The following PACSIN1 variants were observed in gnomAD, a reference collection of about 807,000 sequenced individuals.
PACSIN1 encodes protein kinase C and casein kinase substrate in neurons 1, also known as protein kinase C and casein kinase substrate in neurons protein 1.
In PACSIN1, 15 loss-of-function variants were observed where a neutral mutation model predicts 59.5. The observed-to-expected ratio is 0.25, with a 90% CI of 0.17 to 0.39. The LOEUF is 0.39. Among genes scored for constraint, PACSIN1 ranks in the 10% least tolerant of loss-of-function variants. The pLI is 1.00. For missense variants in PACSIN1, 420 were observed against 580.2 expected (o/e 0.72, Z 2.84); for synonymous variants, 210 against 220.6 (o/e 0.95, Z 0.42).
chr6:34,470,797 A>C (rs1465965418), intron 1 of PACSIN1, among the ~76,000 whole-genome samples: 1 of 152,154 alleles, frequency 6.6e-6, no homozygotes, highest in Admixed American at 6.6e-5. Context: ...AGGTAATTTT[A>C]AATTTCAGAA....
At chr6:34,508,551 G>A (rs916255233) in intron 1 of PACSIN1, among the ~76,000 whole-genome samples, 1 of 152,170 alleles carries the variant, frequency 6.6e-6, no homozygotes, top group Non-Finnish European at 1.5e-5. Context: ...AGAGGCGTGA[G>A]TCACTGTGCC....
chr6:34,471,583 G>A (rs571575064), intron 1 of PACSIN1, among the ~76,000 whole-genome samples: 94 of 152,168 alleles, frequency 6.2e-4, no homozygotes, highest in Non-Finnish European at 1.2e-3. Flanking sequence ...CACTAAATAG[G>A]GGTAATCCAT....
chr6:34,484,147 T>G (rs1357735077), intron 1 of PACSIN1, among the ~76,000 whole-genome samples: 1 of 152,186 alleles, frequency 6.6e-6, no homozygotes, highest in East Asian at 1.9e-4. Flanking sequence ...AACATGCTGC[T>G]GTGTCCTGTG....
intron 1 of PACSIN1, among the ~76,000 whole-genome samples, chr6:34,466,967 G>A (rs1464732967): frequency 6.6e-6 from 1 of 152,130 alleles, no homozygotes; most frequent in Non-Finnish European, 1.5e-5. Flanking sequence ...GAGACATGGT[G>A]GCAAACCCGG....
At chr6:34,507,733 C>T (rs151212004) in intron 1 of PACSIN1, among the ~76,000 whole-genome samples, 1 of 152,184 alleles carries the variant, frequency 6.6e-6, no homozygotes, top group South Asian at 2.1e-4. Context: ...CCTCTGGCAA[C>T]CACCATTCTC....
In PACSIN1 at chr6:34,527,376, C is replaced by A. The variant is rs746016454; in HGVS notation, c.108C>A (p.His36Gln). ...KRTVKRIDDG[H>Q]RLCNDLMNCV... Reference sequence around the variant, plus strand: ...CCGTGAAGCGCATCGATGACGGCCACCGTCTATGCAACGACCTGATGAACT... The same window carrying A: ...CCGTGAAGCGCATCGATGACGGCCAACGTCTATGCAACGACCTGATGAACT... The change falls in exon 3 of 10, where the codon CAC becomes CAA. Residue 36 changes from histidine to glutamine, a missense_variant. Coordinates refer to ENST00000244458, the MANE Select transcript of PACSIN1 (RefSeq NM_020804.5). 18 of 1,598,190 alleles carry A rather than the reference C, an allele frequency of 1.1e-5. No individual in the cohort carries two copies. The highest frequency in any genetic ancestry group is 1.7e-6 in the Non-Finnish European group (2 of 1,173,506).
chr6:34,494,296 C>T (rs1392922235), intron 1 of PACSIN1, among the ~76,000 whole-genome samples: 2 of 152,166 alleles, frequency 1.3e-5, no homozygotes, highest in Non-Finnish European at 2.9e-5. Flanking sequence ...CATCAATGTC[C>T]TCTTAGAAGC....
At chr6:34,503,604 A>C (rs933448083) in intron 1 of PACSIN1, among the ~76,000 whole-genome samples, 4 of 152,134 alleles carry the variant, frequency 2.6e-5, no homozygotes, top group African/African-American at 7.2e-5. Flanking sequence ...AATGTGGGCT[A>C]GGGGTGCTCA....
Position 34,532,881 on chromosome 6 carries a change from A to C in PACSIN1, c.*351A>C. ...CGCCTCACTCCCTCCGTCCCACTCC[A>C]CTCCAGGCTGCCGGCACCTGCCCCA... On this transcript the variant is annotated 3_prime_UTR_variant, in exon 10 of 10. Transcript: ENST00000244458. This position sits in a 1 kb window ranked among gnomAD's most constrained non-coding sequence, Gnocchi z 5.2. The C allele has an allele frequency of 5.4e-6, 1 of 184,618 alleles. No homozygotes were observed. Among genetic ancestry groups the C allele is most frequent in the South Asian group, 1.5e-4 (1 of 6,578 alleles). The allele number at this position is 184,618 out of a possible 1,614,324, so 11.4% of individuals were successfully genotyped here.
chr6:34,503,543 G>T (rs1352646514), intron 1 of PACSIN1, among the ~76,000 whole-genome samples: 3 of 152,138 alleles, frequency 2.0e-5, no homozygotes, highest in African/African-American at 7.2e-5. Flanking sequence ...GTTGGACTGT[G>T]GTTGCGAGTA....
chr6:34,512,923 C>G (rs545534257), intron 1 of PACSIN1, among the ~76,000 whole-genome samples: 2 of 152,346 alleles, frequency 1.3e-5, no homozygotes, highest in Admixed American at 6.5e-5. Context: ...ACTGCTCCAT[C>G]TCTCAGAGCC....
Position 34,531,471 on chromosome 6 carries a change from T to C in PACSIN1, c.1038-129T>C. The C allele has an allele frequency of 1.1e-6, 1 of 876,814 alleles. No homozygotes were observed. Among genetic ancestry groups the C allele is most frequent in the Middle Eastern group, 2.6e-4 (1 of 3,820 alleles). The allele number at this position is 876,814 out of a possible 1,614,324, so 54.3% of individuals were successfully genotyped here. On this transcript the variant is annotated intron_variant, in intron 8 of 9. Coordinates refer to ENST00000244458, the MANE Select transcript of PACSIN1 (RefSeq NM_020804.5). This position sits in a 1 kb window ranked among gnomAD's most constrained non-coding sequence, Gnocchi z 4.4. ...TTAAAGAGCTCATGAGGGTCACCCC[T>C]CCTATGTGGCCAATCCTTGCTCTAG... is the stretch of plus-strand genomic sequence containing the variant.
At chr6:34,522,674 T>C (rs1376000894) in intron 1 of PACSIN1, among the ~76,000 whole-genome samples, 2 of 152,206 alleles carry the variant, frequency 1.3e-5, no homozygotes, top group African/African-American at 2.4e-5. Context: ...GTCTGTGAGC[T>C]GCTGGGCCAG....
intron 1 of PACSIN1, among the ~76,000 whole-genome samples, chr6:34,487,109 T>C (rs1222386616): frequency 6.6e-6 from 1 of 152,014 alleles, no homozygotes; most frequent in Admixed American, 6.5e-5. Flanking sequence ...AGGTTGAGGC[T>C]GCAGTGAGCT....
chr6:34,508,863 A>T lies in PACSIN1; in HGVS notation c.-63-17380A>T, dbSNP rs528098395. On this transcript the variant is annotated intron_variant, in intron 1 of 9. Transcript: ENST00000244458. ...GTTCAAGCCCTTTGCTCATTTTTAA[A>T]TTTTTTTTAAGCTATCCAGTTATAG... 8.6e-5 allele frequency among the ~76,000 whole-genome samples: 13 copies of T among 151,948 alleles called. No individual in the cohort carries two copies. The East Asian group carries it at 1.4e-3, about 16-fold the overall frequency.
intron 1 of PACSIN1, among the ~76,000 whole-genome samples, chr6:34,505,200 G>A (rs1450945324): frequency 6.6e-6 from 1 of 151,952 alleles, no homozygotes; most frequent in Non-Finnish European, 1.5e-5. Context: ...GTCTTGCTAT[G>A]TTGCTCGGCC....
At chr6:34,499,754 C>G (rs771209585) in intron 1 of PACSIN1, among the ~76,000 whole-genome samples, 2 of 151,890 alleles carry the variant, frequency 1.3e-5, no homozygotes, top group African/African-American at 4.8e-5. Flanking sequence ...TGAGACGGTG[C>G]CACTGCACTC....
At chr6:34,480,162 T>C (rs1364940035) in intron 1 of PACSIN1, among the ~76,000 whole-genome samples, 1 of 151,708 alleles carries the variant, frequency 6.6e-6, no homozygotes, top group East Asian at 1.9e-4. Flanking sequence ...AACATTTTCT[T>C]TTTACCAGGA....
At chr6:34,489,445 G>A (rs868725779) in intron 1 of PACSIN1, among the ~76,000 whole-genome samples, 3 of 152,100 alleles carry the variant, frequency 2.0e-5, no homozygotes, top group South Asian at 2.1e-4. Flanking sequence ...TGGGTGGTGC[G>A]GTGTATGGTG....
Sources: gnomAD v4.1 joint callset for allele counts (sites outside exome capture counted in the v4.1 genomes callset) on GRCh38, gnomAD v4.1.1 for gene constraint, Gnocchi (gnomAD v3.1) non-coding constraint, MANE v1.5 for transcripts, NCBI Gene and HGNC (gene_info 2026-07-23, HGNC 2026-07-21) for gene names.